GBE1: variants seen among roughly 807,000 people sequenced by gnomAD.
The protein encoded by GBE1 is 1,4-alpha-glucan-branching enzyme.
GBE1 carries 70 observed loss-of-function variants against 88.8 expected under a neutral mutation model. The ratio of observed to expected loss-of-function variants is 0.79; its 90% CI spans 0.65 to 0.96. GBE1 has a LOEUF of 0.96. Ranked by LOEUF, GBE1 falls within the 40% of genes least tolerant of loss-of-function variation. The pLI is 0.00. For missense variants in GBE1, 872 were observed against 871.0 expected (o/e 1.00, Z -0.01); for synonymous variants, 284 against 300.1 (o/e 0.95, Z 0.56).
chr3:81,645,447 T>TC (rs1371441230), intron 6 of GBE1, among the ~76,000 whole-genome samples: 1 of 152,146 alleles, frequency 6.6e-6, no homozygotes, highest in Non-Finnish European at 1.5e-5. Flanking sequence ...TTGTTCATTG[T>TC]CCTCAACAAT....
At chr3:81,579,949 T>G (rs1050678910) in intron 11 of GBE1, among the ~76,000 whole-genome samples, 1 of 152,106 alleles carries the variant, frequency 6.6e-6, no homozygotes, top group African/African-American at 2.4e-5. Flanking sequence ...GTGTTCCAAG[T>G]AACCTTATTT....
intron 14 of GBE1, among the ~76,000 whole-genome samples, chr3:81,528,679 A>G (rs956949289): frequency 6.6e-6 from 1 of 151,960 alleles, no homozygotes; most frequent in Admixed American, 6.6e-5. Context: ...GTGCATATCT[A>G]GTTGTTATAT....
At chr3:81,527,070 T>C (rs1333004116) in intron 14 of GBE1, among the ~76,000 whole-genome samples, 15 of 151,892 alleles carry the variant, frequency 9.9e-5, no homozygotes, top group Non-Finnish European at 2.1e-4. Flanking sequence ...ATGCCGCATA[T>C]CTACAACCGT....
At chr3:81,666,216 C>CA (rs1473459647) in intron 3 of GBE1, among the ~76,000 whole-genome samples, 3 of 152,074 alleles carry the variant, frequency 2.0e-5, no homozygotes, top group Admixed American at 6.6e-5. Context: ...AGGACAAGGG[C>CA]AAGGACAGTT....
chr3:81,676,389 T>C (rs1205976333), intron 2 of GBE1, among the ~76,000 whole-genome samples: 1 of 152,156 alleles, frequency 6.6e-6, no homozygotes, highest in Non-Finnish European at 1.5e-5. Context: ...TTGTTTACAT[T>C]GTGACTAAGT....
chr3:81,518,966 A>G (rs1376375207), intron 14 of GBE1, among the ~76,000 whole-genome samples: 1 of 151,608 alleles, frequency 6.6e-6, no homozygotes, highest in Non-Finnish European at 1.5e-5. Context: ...GAGATGCTCT[A>G]TTTAGTCAGA....
At chr3:81,654,419 T>C (rs766097717) in intron 3 of GBE1, among the ~76,000 whole-genome samples, 5 of 152,172 alleles carry the variant, frequency 3.3e-5, no homozygotes, top group Non-Finnish European at 5.9e-5. Flanking sequence ...ATTACTGAGA[T>C]AATATGTTCC....
chr3:81,660,125 C>T (rs1030290882), intron 3 of GBE1, among the ~76,000 whole-genome samples: 1 of 152,100 alleles, frequency 6.6e-6, no homozygotes, highest in Non-Finnish European at 1.5e-5. Context: ...GAGATAATGA[C>T]TATCAGTAAG....
intron 7 of GBE1, 58 bp downstream of exon 7, chr3:81,642,723 T>C: frequency 9.1e-7 from 1 of 1,101,570 alleles, no homozygotes; most frequent in Non-Finnish European, 1.4e-6. Context: ...AGTGAAATTC[T>C]TAAAAATTAA....
intron 1 of GBE1, among the ~76,000 whole-genome samples, chr3:81,738,988 G>A (rs1403131198): frequency 1.3e-5 from 2 of 152,112 alleles, no homozygotes; most frequent in Admixed American, 6.6e-5. Flanking sequence ...CCTGGTGAGG[G>A]ATCTCTCATA....
intron 14 of GBE1, among the ~76,000 whole-genome samples, chr3:81,518,354 C>G (rs575625153): frequency 7.0e-6 from 1 of 141,960 alleles, no homozygotes; most frequent in South Asian, 2.3e-4. Context: ...GGCCCCTGGT[C>G]CCCCTTCAAG....
At chr3:81,491,777 ATGACTTT>A (rs982677363) in intron 15 of GBE1, among the ~76,000 whole-genome samples, 1 of 152,214 alleles carries the variant, frequency 6.6e-6, no homozygotes, top group African/African-American at 2.4e-5. Flanking sequence ...CAAAGCAAAC[ATGACTTT>A]AGGAAAAAAC....
intron 14 of GBE1, among the ~76,000 whole-genome samples, chr3:81,529,109 A>G (rs1181356805): frequency 6.6e-6 from 1 of 151,670 alleles, no homozygotes; most frequent in Non-Finnish European, 1.5e-5. Context: ...TTTTTTGTCT[A>G]TCTGTGGTAG....
At chr3:81,613,042 G>A in intron 7 of GBE1, 2 of 660,106 alleles carry the variant, frequency 3.0e-6, no homozygotes, top group Non-Finnish European at 4.5e-6. Context: ...GATGATGAAG[G>A]GGAGGAAAGA....
At position 81,608,981 on chromosome 3, in the gene GBE1, G is replaced by A. The variant is rs527573472; in HGVS notation, c.993-14958C>T. 2.6e-5 allele frequency among the ~76,000 whole-genome samples: 4 copies of A among 152,282 alleles called. No homozygotes were observed. In the South Asian group the frequency reaches 8.3e-4, roughly 32 times the overall value. On this transcript the variant is annotated intron_variant, in intron 7 of 15. Transcript: ENST00000429644. ...CAAAACCTGAATGCTTATAGGCTGG[G>A]TTGAACGAAGAATCACAAATATGGA...
intron 7 of GBE1, among the ~76,000 whole-genome samples, chr3:81,633,393 A>T (rs1199581956): frequency 6.6e-6 from 1 of 152,198 alleles, no homozygotes; most frequent in Admixed American, 6.6e-5. Flanking sequence ...CTGTGGTTAC[A>T]TGCTAGTAAG....
At chr3:81,612,947 T>C (rs1704201901) in intron 7 of GBE1, 1 of 391,136 alleles carries the variant, frequency 2.6e-6, no homozygotes, top group African/African-American at 2.1e-5. Flanking sequence ...AAGATGATGA[T>C]GATGATGACG....
intron 1 of GBE1, among the ~76,000 whole-genome samples, chr3:81,759,296 C>T (rs182763021): frequency 1.6e-3 from 246 of 152,260 alleles, no homozygotes; most frequent in African/African-American, 5.7e-3. Flanking sequence ...TGAGACAGTC[C>T]ATCAAAGAGA....
At chr3:81,748,617 AAAC>A (rs967128795) in intron 1 of GBE1, among the ~76,000 whole-genome samples, 37 of 152,158 alleles carry the variant, frequency 2.4e-4, no homozygotes, top group South Asian at 6.2e-4. Flanking sequence ...CTGTCTCAAA[AAAC>A]AACAACAACA....
Sources: allele counts gnomAD v4.1 joint callset (sites outside exome capture counted in the v4.1 genomes callset), GRCh38; gene constraint gnomAD v4.1.1; transcripts MANE v1.5; gene names NCBI Gene and HGNC (gene_info 2026-07-23, HGNC 2026-07-21).